The following COBL variants were observed in gnomAD, a reference collection of about 807,000 sequenced individuals.
COBL encodes cordon-bleu WH2 repeat protein.
A neutral mutation model predicts 98.8 loss-of-function variants in COBL; 51 were observed. The ratio of observed to expected loss-of-function variants is 0.52; its 90% confidence interval spans 0.41 to 0.65. COBL has a LOEUF of 0.65. COBL is among the 30% of genes least tolerant of loss of function. COBL has a pLI of 0.00. For missense variants in COBL, 1,617 were observed against 1,617.5 expected (o/e 1.00, Z 0.01); for synonymous variants, 634 against 651.7 (o/e 0.97, Z 0.41).
intron 6 of COBL, among the ~76,000 whole-genome samples, chr7:51,124,235 G>A (rs1056510566): frequency 4.6e-5 from 7 of 152,188 alleles, no homozygotes; most frequent in African/African-American, 1.4e-4. Context: ...CCGACGACTG[G>A]ATGACGGTGC....
rs796512184 is a variant in COBL, at chr7:51,027,283, C to A, written c.3384+429G>T. On this transcript the variant is annotated intron_variant, in intron 10 of 12. Transcript: ENST00000265136. ...GGCAAGGCGTGTCCTACAATTACTCCTGTGTTACTGAAGAATGACAGTTCG... is the reference window on the plus strand; with the variant it reads ...GGCAAGGCGTGTCCTACAATTACTCATGTGTTACTGAAGAATGACAGTTCG... 5.9e-5 allele frequency among the ~76,000 whole-genome samples: 9 copies of A among 152,252 alleles called. No homozygotes were observed. The East Asian group carries it at 1.2e-3, about 20-fold the overall frequency.
At chr7:51,132,089 T>C (rs985545123) in intron 6 of COBL, among the ~76,000 whole-genome samples, 16 of 152,356 alleles carry the variant, frequency 1.1e-4, no homozygotes, top group African/African-American at 3.6e-4. Flanking sequence ...GATTTTTTAA[T>C]TGTACATTTG....
At position 51,037,165 on chromosome 7, in the gene COBL, G is replaced by A. The variant is rs148830409; in HGVS notation, c.1406+6218C>T. On this transcript the variant is annotated intron_variant, in intron 8 of 12. Transcript: ENST00000265136. ...TTTCAAACATGTTATAAATAAAGAG[G>A]AAGATGATCAGAGCTAGATACAAGT... 3.5e-4 allele frequency among the ~76,000 whole-genome samples: 54 copies of A among 152,222 alleles called. No homozygotes were observed. In the East Asian group the frequency reaches 6.6e-3, roughly 19 times the overall value.
chr7:51,116,430 T>C (rs1195377332), intron 6 of COBL, among the ~76,000 whole-genome samples: 1 of 152,178 alleles, frequency 6.6e-6, no homozygotes, highest in Non-Finnish European at 1.5e-5. Flanking sequence ...TAACTTACAA[T>C]CACATAGGTC....
At chr7:51,074,199 T>A (rs944602594) in intron 7 of COBL, among the ~76,000 whole-genome samples, 8 of 144,356 alleles carry the variant, frequency 5.5e-5, no homozygotes, top group Admixed American at 2.8e-4. Context: ...TGATTTTTTT[T>A]TTTTTTTTTT....
chr7:51,302,506 G>A (rs375011789), intron 1 of COBL, among the ~76,000 whole-genome samples: 12 of 151,664 alleles, frequency 7.9e-5, no homozygotes, highest in African/African-American at 2.7e-4. Flanking sequence ...GCTTGAACCC[G>A]GGAGGCGGAG....
intron 1 of COBL, among the ~76,000 whole-genome samples, chr7:51,220,466 C>T (rs7804375): frequency 0.076 from 11,550 of 152,184 alleles, 509 homozygotes; most frequent in Middle Eastern, 0.14. Flanking sequence ...CCTGTCCACA[C>T]GGCCACCGTG....
At chr7:51,315,120 A>ATTT (rs574449536) in intron 1 of COBL, among the ~76,000 whole-genome samples, 51 of 152,358 alleles carry the variant, frequency 3.3e-4, no homozygotes, top group African/African-American at 1.2e-3. Context: ...AAAGCCACAG[A>ATTT]TTTAAAGATA....
intron 1 of COBL, among the ~76,000 whole-genome samples, chr7:51,253,454 AC>A (rs1317166335): frequency 6.6e-6 from 1 of 152,208 alleles, no homozygotes; most frequent in African/African-American, 2.4e-5. Flanking sequence ...CCCAGGCACA[AC>A]CTTGTCAAGA....
chr7:51,298,229 A>G (rs1801601354), intron 1 of COBL, among the ~76,000 whole-genome samples: 1 of 152,236 alleles, frequency 6.6e-6, no homozygotes, highest in African/African-American at 2.4e-5. Context: ...CTGTCCAGCC[A>G]CTGCATATGA....
In COBL at chr7:51,043,948, T is replaced by TC. The variant is rs778881086; in HGVS notation, c.1097-257dup. ...GATTAATTAGCCTTTTACATTGGTC[T>TC]CCTCTCTATGGCTATGGGCAAGCAC... On this transcript the variant is annotated intron_variant, in intron 7 of 12. Coordinates refer to ENST00000265136, the MANE Select transcript of COBL (RefSeq NM_015198.5). Among the ~76,000 whole-genome samples the TC allele has an allele frequency of 3.2e-4, 48 of 152,346 alleles. 1 individual carries two copies. The highest frequency in any genetic ancestry group is 6.8e-3 in the Middle Eastern group (2 of 294).
intron 1 of COBL, among the ~76,000 whole-genome samples, chr7:51,255,312 A>G (rs1183356414): frequency 1.3e-5 from 2 of 152,152 alleles, no homozygotes; most frequent in East Asian, 1.9e-4. Flanking sequence ...GTAACATCCA[A>G]CCCATTGTGT....
intron 1 of COBL, among the ~76,000 whole-genome samples, chr7:51,292,927 C>A (rs985740305): frequency 6.6e-6 from 1 of 152,246 alleles, no homozygotes; most frequent in Non-Finnish European, 1.5e-5. Context: ...CAGGATTCCA[C>A]TTTCCCTTGA....
chr7:51,129,839 G>A lies in COBL; in HGVS notation c.957+6319C>T, dbSNP rs139023160. Among the ~76,000 whole-genome samples the A allele has an allele frequency of 3.3e-3, 499 of 152,272 alleles. 2 individuals are homozygous for A. Among genetic ancestry groups the A allele is most frequent in the Non-Finnish European group, 3.6e-3 (247 of 68,016 alleles). On this transcript the variant is annotated intron_variant, in intron 6 of 12. Coordinates refer to ENST00000265136, the MANE Select transcript of COBL (RefSeq NM_015198.5). ...TCAACTGTGACGTGAGGCCAGCAGAGGCTTTAAAGCATGACATGACCCTGT... is the reference window on the plus strand; with the variant it reads ...TCAACTGTGACGTGAGGCCAGCAGAAGCTTTAAAGCATGACATGACCCTGT...
intron 12 of COBL, among the ~76,000 whole-genome samples, chr7:51,021,477 C>T (rs960143715): frequency 7.9e-5 from 12 of 152,058 alleles, no homozygotes; most frequent in Non-Finnish European, 1.2e-4. Context: ...ACTACAGGCC[C>T]GTGCCACCAC....
chr7:51,039,499 A>G (rs887054526), intron 8 of COBL, among the ~76,000 whole-genome samples: 3 of 152,154 alleles, frequency 2.0e-5, no homozygotes, highest in African/African-American at 7.2e-5. Context: ...TGTGCTGCCT[A>G]GGCTTTCGAC....
At chr7:51,304,386 C>T (rs566502205) in intron 1 of COBL, among the ~76,000 whole-genome samples, 22 of 152,326 alleles carry the variant, frequency 1.4e-4, no homozygotes, top group African/African-American at 5.1e-4. Flanking sequence ...CGGTGTGACC[C>T]ACCTGGTCCT....
intron 1 of COBL, among the ~76,000 whole-genome samples, chr7:51,277,151 C>A (rs1227518396): frequency 6.6e-6 from 1 of 152,200 alleles, no homozygotes; most frequent in East Asian, 1.9e-4. Context: ...AGGCACAGAA[C>A]AAGGCCTTCC....
intron 1 of COBL, among the ~76,000 whole-genome samples, chr7:51,227,357 T>C (rs911287003): frequency 6.6e-6 from 1 of 152,038 alleles, no homozygotes; most frequent in Non-Finnish European, 1.5e-5. Flanking sequence ...CACAGGGAGA[T>C]GGAAGGACGT....
Sources: allele counts gnomAD v4.1 joint callset (sites outside exome capture counted in the v4.1 genomes callset), GRCh38; gene constraint gnomAD v4.1.1; transcripts MANE v1.5; gene names NCBI Gene and HGNC (gene_info 2026-07-23, HGNC 2026-07-21).